Variants in DCC observed in about 807,000 individuals in gnomAD.
DCC encodes DCC netrin 1 receptor.
A neutral mutation model predicts 172.5 loss-of-function variants in DCC; 58 were observed. That is an observed-to-expected ratio of 0.34 (90% CI 0.27 to 0.42). The LOEUF (loss-of-function observed/expected upper bound fraction) is 0.42. Among genes scored for constraint, DCC ranks in the 10% least tolerant of loss-of-function variants. DCC has a pLI of 1.00. For missense variants in DCC, 1,740 were observed against 1,791.0 expected (o/e 0.97, Z 0.51); for synonymous variants, 709 against 644.5 (o/e 1.10, Z -1.52).
At chr18:53,186,892 A>C (rs1257074023) in intron 9 of DCC, among the ~76,000 whole-genome samples, 1 of 152,088 alleles carries the variant, frequency 6.6e-6, no homozygotes, top group Non-Finnish European at 1.5e-5. Context: ...GAGGGTATGA[A>C]CGGTGTGTCC....
At chr18:52,683,830 T>C (rs186450407) in intron 1 of DCC, among the ~76,000 whole-genome samples, 1 of 152,232 alleles carries the variant, frequency 6.6e-6, no homozygotes, top group Non-Finnish European at 1.5e-5. Context: ...TATGTACATG[T>C]ACAGTGGGTA....
intron 7 of DCC, among the ~76,000 whole-genome samples, chr18:53,110,860 A>G (rs1181356445): frequency 8.1e-6 from 1 of 123,512 alleles, no homozygotes; most frequent in Non-Finnish European, 1.7e-5. Context: ...AGGGATCTAG[A>G]ACTAGAAATA....
At chr18:53,320,409 A>G (rs1273710775) in intron 13 of DCC, among the ~76,000 whole-genome samples, 2 of 152,180 alleles carry the variant, frequency 1.3e-5, no homozygotes, top group African/African-American at 2.4e-5. Flanking sequence ...TTTATTTTAA[A>G]TAAGAGCATT....
intron 8 of DCC, among the ~76,000 whole-genome samples, chr18:53,158,884 T>A (rs1234015148): frequency 6.7e-6 from 1 of 150,026 alleles, no homozygotes; most frequent in Non-Finnish European, 1.5e-5. Context: ...TCCTAGCCAC[T>A]CAGGAGGATG....
chr18:52,364,151 C>G (rs1202303278), intron 1 of DCC, among the ~76,000 whole-genome samples: 1 of 152,156 alleles, frequency 6.6e-6, no homozygotes, highest in Non-Finnish European at 1.5e-5. Flanking sequence ...TATTTAAATA[C>G]CACACATTTT....
intron 1 of DCC, among the ~76,000 whole-genome samples, chr18:52,498,022 C>T (rs957817562): frequency 6.6e-6 from 1 of 152,130 alleles, no homozygotes; most frequent in Non-Finnish European, 1.5e-5. Flanking sequence ...GCACCAGAGA[C>T]AATACAAAAA....
At chr18:53,390,156 T>C (rs1908446555) in intron 16 of DCC, among the ~76,000 whole-genome samples, 1 of 152,198 alleles carries the variant, frequency 6.6e-6, no homozygotes, top group Non-Finnish European at 1.5e-5. Context: ...TAAATCTATT[T>C]GAGTTTAAAG....
At chr18:52,668,528 A>G (rs1040535261) in intron 1 of DCC, among the ~76,000 whole-genome samples, 3 of 152,214 alleles carry the variant, frequency 2.0e-5, no homozygotes, top group Non-Finnish European at 2.9e-5. Flanking sequence ...AGTCTATGCT[A>G]TGAATTTAGA....
intron 7 of DCC, among the ~76,000 whole-genome samples, chr18:53,156,398 C>T (rs1383323274): frequency 6.6e-6 from 1 of 151,576 alleles, no homozygotes; most frequent in Non-Finnish European, 1.5e-5. Flanking sequence ...GCAGGAGAAT[C>T]ACTTGAACCT....
intron 1 of DCC, among the ~76,000 whole-genome samples, chr18:52,583,977 C>G (rs1411867581): frequency 6.6e-6 from 1 of 152,186 alleles, no homozygotes; most frequent in Non-Finnish European, 1.5e-5. Flanking sequence ...TCGAAACTTA[C>G]TGCCTAGAAG....
intron 1 of DCC, among the ~76,000 whole-genome samples, chr18:52,551,130 C>CCAACA (rs2032759313): frequency 2.6e-5 from 4 of 151,772 alleles, no homozygotes; most frequent in Non-Finnish European, 4.4e-5. Context: ...ATCCAACAAG[C>CCAACA]AGAGAATGTG....
At position 53,306,491 on chromosome 18, in the gene DCC, C is replaced by T. The variant is rs545423042; in HGVS notation, c.2053+772C>T. Among the ~76,000 whole-genome samples the T allele has an allele frequency of 5.3e-5, 8 of 152,244 alleles. No homozygotes were observed. The East Asian group carries it at 1.4e-3, about 26-fold the overall frequency. Reference sequence around the variant, plus strand: ...TATCCATCTGTGGTGGCCACAACTTCGGGGCAAACACAGCACTTGCTAGGT... The same window carrying T: ...TATCCATCTGTGGTGGCCACAACTTTGGGGCAAACACAGCACTTGCTAGGT... On this transcript the variant is annotated intron_variant, in intron 13 of 28. Coordinates refer to ENST00000442544, the MANE Select transcript of DCC (RefSeq NM_005215.4).
intron 22 of DCC, among the ~76,000 whole-genome samples, chr18:53,442,549 G>A (rs1428191740): frequency 6.6e-6 from 1 of 152,130 alleles, no homozygotes; most frequent in Non-Finnish European, 1.5e-5. Context: ...CAACACTGTT[G>A]AAATTAGGCG....
At chr18:53,371,861 A>T (rs1258803737) in intron 15 of DCC, among the ~76,000 whole-genome samples, 21 of 152,092 alleles carry the variant, frequency 1.4e-4, no homozygotes. Flanking sequence ...ATATGAAACA[A>T]TCCTAAGCAT....
intron 1 of DCC, among the ~76,000 whole-genome samples, chr18:52,505,120 C>G (rs960246593): frequency 6.6e-6 from 1 of 152,150 alleles, no homozygotes; most frequent in Non-Finnish European, 1.5e-5. Context: ...AACGTATCAA[C>G]TTGCTGTAAG....
In DCC at chr18:52,401,199, C is replaced by T. The variant is rs139472394; in HGVS notation, c.91+60321C>T. ...AGAAGAAAGGGTTACTATTTGGGAC[C>T]GGTAAAGTTCATCAGAATGCCATCA... On this transcript the variant is annotated intron_variant, in intron 1 of 28. Transcript: ENST00000442544. Among the ~76,000 whole-genome samples, 183 of 152,010 alleles carry T rather than the reference C, an allele frequency of 1.2e-3. 4 individuals are homozygous for T. The highest frequency in any genetic ancestry group is 3.8e-3 in the African/African-American group (156 of 41,494).
intron 7 of DCC, among the ~76,000 whole-genome samples, chr18:53,101,513 A>G (rs1398590376): frequency 6.6e-6 from 1 of 152,132 alleles, no homozygotes; most frequent in African/African-American, 2.4e-5. Context: ...CTTTACATAA[A>G]TTATTCTCTG....
intron 5 of DCC, among the ~76,000 whole-genome samples, chr18:52,989,913 G>T (rs890790227): frequency 2.0e-5 from 3 of 152,118 alleles, no homozygotes; most frequent in Non-Finnish European, 4.4e-5. Flanking sequence ...CACTGCACAG[G>T]TAGAGACAGA....
intron 2 of DCC, among the ~76,000 whole-genome samples, chr18:52,762,970 T>C (rs182374933): frequency 3.3e-4 from 50 of 152,330 alleles, no homozygotes; most frequent in Non-Finnish European, 5.9e-5. Context: ...TATTTAGATA[T>C]AAACACAGTA....
Sources: gnomAD v4.1 joint callset for allele counts (sites outside exome capture counted in the v4.1 genomes callset) on GRCh38, gnomAD v4.1.1 for gene constraint, MANE v1.5 for transcripts, NCBI Gene and HGNC (gene_info 2026-07-23, HGNC 2026-07-21) for gene names.